Variants in TRAPPC9 observed in about 807,000 individuals in gnomAD.
TRAPPC9 encodes IKK2 binding protein.
TRAPPC9 carries 83 observed loss-of-function variants against 124.0 expected under a neutral mutation model. The observed-to-expected ratio is 0.67, with a 90% CI of 0.56 to 0.80. The LOEUF (loss-of-function observed/expected upper bound fraction) is 0.80. Ranked by LOEUF, TRAPPC9 falls within the 30% of genes least tolerant of loss-of-function variation. The pLI, the probability that TRAPPC9 is intolerant of heterozygous loss-of-function variation, is 0.00. For synonymous variants in TRAPPC9, 638 were observed against 617.5 expected (o/e 1.03, Z -0.49); for missense variants, 1,302 against 1,508.3 (o/e 0.86, Z 2.27).
intron 17 of TRAPPC9, among the ~76,000 whole-genome samples, chr8:140,035,358 C>T (rs1587549967): frequency 6.6e-6 from 1 of 152,188 alleles, no homozygotes; most frequent in South Asian, 2.1e-4. Flanking sequence ...CTATATCCTT[C>T]CAAAGTTGTA....
intron 19 of TRAPPC9, among the ~76,000 whole-genome samples, chr8:139,972,402 T>A (rs1035776398): frequency 6.6e-6 from 1 of 152,188 alleles, no homozygotes; most frequent in African/African-American, 2.4e-5. Flanking sequence ...AAAATTAAGA[T>A]GATGAAAAGA....
At chr8:140,335,403 A>T (rs1057113780) in intron 9 of TRAPPC9, among the ~76,000 whole-genome samples, 6 of 152,156 alleles carry the variant, frequency 3.9e-5, no homozygotes, top group African/African-American at 1.4e-4. Context: ...AATTAATAGG[A>T]TACAGGATAA....
intron 11 of TRAPPC9, among the ~76,000 whole-genome samples, chr8:140,297,454 C>T (rs1317768627): frequency 6.6e-6 from 1 of 152,168 alleles, no homozygotes; most frequent in Non-Finnish European, 1.5e-5. Context: ...TACAGATACA[C>T]ACAAATTCTA....
rs1268626437 is a variant in TRAPPC9 at position 139,742,252 on chromosome 8, C to T, written c.3056-10050G>A. ...TGCTGCGGTTCTCACGTGCGTTCTC[C>T]CGATCTACCCCCAACCGGCCATGCT... On this transcript the variant is annotated intron_variant, in intron 21 of 22. Transcript: ENST00000438773. This position sits in a 1 kb window ranked among gnomAD's most constrained non-coding sequence, Gnocchi z 4.7. Among the ~76,000 whole-genome samples, 1 of 152,184 alleles carries T rather than the reference C, an allele frequency of 6.6e-6. No homozygotes were observed. Among genetic ancestry groups the T allele is most frequent in the Non-Finnish European group, 1.5e-5 (1 of 68,038 alleles).
chr8:140,365,016 A>G (rs184635572), intron 8 of TRAPPC9, among the ~76,000 whole-genome samples: 65 of 150,990 alleles, frequency 4.3e-4, no homozygotes, highest in Admixed American at 1.5e-3. Flanking sequence ...CTAGCAACAC[A>G]CACTCTTTCT....
At chr8:140,402,416 G>C (rs1175741153) in intron 6 of TRAPPC9, among the ~76,000 whole-genome samples, 1 of 139,018 alleles carries the variant, frequency 7.2e-6, no homozygotes, top group Non-Finnish European at 1.6e-5. Flanking sequence ...AAAAATGGGT[G>C]GGTGCAGTGG....
chr8:140,135,008 TTAGA>T (rs1167348407), intron 17 of TRAPPC9, among the ~76,000 whole-genome samples: 4 of 152,208 alleles, frequency 2.6e-5, no homozygotes, highest in African/African-American at 9.7e-5. Context: ...GGCAAAGGCC[TTAGA>T]TAGATTTTTC....
intron 21 of TRAPPC9, among the ~76,000 whole-genome samples, chr8:139,827,653 C>T (rs919091010): frequency 1.3e-5 from 2 of 152,222 alleles, no homozygotes; most frequent in Non-Finnish European, 2.9e-5. Flanking sequence ...TGAATGGAGG[C>T]TCTGAGAAGC....
At chr8:140,246,314 G>C (rs1279527819) in intron 16 of TRAPPC9, among the ~76,000 whole-genome samples, 1 of 152,186 alleles carries the variant, frequency 6.6e-6, no homozygotes, top group Non-Finnish European at 1.5e-5. Flanking sequence ...TCTAGAACTG[G>C]TTATTTTTCT....
intron 16 of TRAPPC9, among the ~76,000 whole-genome samples, chr8:140,242,125 G>A (rs547727727): frequency 2.8e-5 from 4 of 141,574 alleles, no homozygotes; most frequent in South Asian, 2.4e-4. Context: ...CCAGCAACAC[G>A]AAGAGGCAGA....
intron 16 of TRAPPC9, chr8:140,238,304 C>G (rs1233348216): frequency 6.6e-6 from 1 of 152,214 alleles, no homozygotes; most frequent in African/African-American, 2.4e-5. Context: ...ACCTCCCCAC[C>G]TACAGGCTAA....
chr8:140,269,458 G>A (rs937963269), intron 15 of TRAPPC9, among the ~76,000 whole-genome samples: 4 of 151,606 alleles, frequency 2.6e-5, no homozygotes, highest in African/African-American at 4.9e-5. Context: ...GGAGAATGGC[G>A]TGAACCCGGG....
chr8:140,286,111 G>A (rs939175619), intron 13 of TRAPPC9, among the ~76,000 whole-genome samples: 15 of 152,252 alleles, frequency 9.9e-5, no homozygotes, highest in Admixed American at 2.6e-4. Flanking sequence ...CCCGGAGGAA[G>A]GAAAGCCTGT....
rs1462830665 is a variant in TRAPPC9 at position 140,023,993 on chromosome 8, A to G, written c.2643T>C (p.His881=). Residue 881 remains histidine, a synonymous_variant, in exon 18 of 23, where the codon CAT becomes CAC. Coordinates refer to ENST00000438773, the MANE Select transcript of TRAPPC9 (RefSeq NM_001160372.4). The part of the protein sequence containing the change: ...GYYRNLSLGL[H]VEVEPSVFFT... ...AAAATACAGACGGCTCGACTTCTAC[A>G]TGCAGCCCCAGGGAGAGATTCCTGT... is the stretch of plus-strand genomic sequence containing the variant. The G allele has an allele frequency of 3.7e-6, 6 of 1,614,040 alleles. No homozygotes were observed. Among genetic ancestry groups the G allele is most frequent in the Non-Finnish European group, 5.1e-6 (6 of 1,180,042 alleles).
intron 21 of TRAPPC9, among the ~76,000 whole-genome samples, chr8:139,830,175 C>T (rs904620645): frequency 1.2e-4 from 19 of 152,184 alleles, no homozygotes; most frequent in African/African-American, 3.6e-4. Context: ...CGTGCACGTG[C>T]ACACACATGT....
At chr8:140,239,375 G>A (rs1235868535) in intron 16 of TRAPPC9, among the ~76,000 whole-genome samples, 1 of 152,186 alleles carries the variant, frequency 6.6e-6, no homozygotes, top group Non-Finnish European at 1.5e-5. Flanking sequence ...CAGGTAAAGA[G>A]GAAAAGGAAG....
rs574070208 is a variant in TRAPPC9, at chr8:140,085,703, G to A, written c.2557-61624C>T. Among the ~76,000 whole-genome samples the A allele has an allele frequency of 1.8e-4, 27 of 152,258 alleles. No individual in the cohort carries two copies. The East Asian group carries it at 3.5e-3, about 20-fold the overall frequency. On this transcript the variant is annotated intron_variant, in intron 17 of 22. Coordinates refer to ENST00000438773, the MANE Select transcript of TRAPPC9 (RefSeq NM_001160372.4). ...GAGAAGAAAGGGGCAAGTCATGGAC[G>A]GCAGCAGCCTGCTGAGGTCCACGCC...
At chr8:140,436,058 A>C (rs770435232) in intron 3 of TRAPPC9, among the ~76,000 whole-genome samples, 1 of 152,262 alleles carries the variant, frequency 6.6e-6, no homozygotes, top group Non-Finnish European at 1.5e-5. Context: ...AATTCCTCTT[A>C]AAATAGGCCA....
At chr8:140,383,453 T>C in intron 7 of TRAPPC9, among the ~76,000 whole-genome samples, 1 of 152,100 alleles carries the variant, frequency 6.6e-6, no homozygotes, top group African/African-American at 2.4e-5. Context: ...ATAACCAGTG[T>C]AGAAAAGTCC....
Sources: gnomAD v4.1 joint callset for allele counts (sites outside exome capture counted in the v4.1 genomes callset) on GRCh38, gnomAD v4.1.1 for gene constraint, Gnocchi (gnomAD v3.1) non-coding constraint, MANE v1.5 for transcripts, NCBI Gene and HGNC (gene_info 2026-07-23, HGNC 2026-07-21) for gene names.